The following ZXDA variants were observed in gnomAD, a reference collection of about 807,000 sequenced individuals.
The protein encoded by ZXDA is zinc finger X-linked protein ZXDA.
A neutral mutation model predicts 10.1 loss-of-function variants in ZXDA; 5 were observed. The ratio of observed to expected loss-of-function variants is 0.50; its 90% confidence interval spans 0.26 to 1.04. ZXDA has a LOEUF of 1.04. Ranked by LOEUF, ZXDA falls within the 50% of genes least tolerant of loss-of-function variation. The pLI is 0.14. For missense variants in ZXDA, 501 were observed against 672.4 expected (o/e 0.75, Z 2.82); for synonymous variants, 266 against 313.1 (o/e 0.85, Z 1.59).
Position 57,908,154 on chromosome X carries a change from C to G in ZXDA, c.2267G>C (p.Ser756Thr). Residue 756 changes from serine to threonine, a missense_variant, in exon 1 of 1, where the codon AGC becomes ACC. Physicochemically the swap from Ser to Thr is moderately conservative, Grantham distance 58. Transcript: ENST00000358697. ...ELLTPAKAEW[S>T]VHPNSDFFGQ... ...AAAGAAGTCAGAGTTAGGATGTACG[C>G]TCCACTCCGCTTTGGCTGGTGTCAG... is the stretch of plus-strand genomic sequence containing the variant. 1 of 1,211,940 alleles carries G rather than the reference C, an allele frequency of 8.3e-7. No individual in the cohort carries two copies. Among genetic ancestry groups the G allele is most frequent in the African/African-American group, 1.7e-5 (1 of 57,785 alleles).
chrX:57,909,433 A>G lies in ZXDA; in HGVS notation c.988T>C (p.Phe330Leu), dbSNP rs2014397412. Residue 330 changes from phenylalanine to leucine, a missense_variant, in exon 1 of 1, where the codon TTC (phenylalanine) becomes CTC (leucine). By Grantham distance (22) the Phe-to-Leu change is conservative. This residue lies in a region of ZXDA where 171 missense variants were observed against 262.7 expected (regional missense o/e 0.65). Transcript: ENST00000358697. ...HLQSHDKLRP[F>L]GCPAEGCGKS... Reference sequence around the variant, plus strand: ...CCACAGCCCTCCGCAGGGCAGCCGAAGGGCCGCAGTTTATCGTGCGACTGC... The same window carrying G: ...CCACAGCCCTCCGCAGGGCAGCCGAGGGGCCGCAGTTTATCGTGCGACTGC... 2 of 1,210,493 alleles carry G rather than the reference A, an allele frequency of 1.7e-6. No individual in the cohort carries two copies. Among genetic ancestry groups the G allele is most frequent in the Admixed American group, 4.4e-5 (2 of 45,948 alleles).
In ZXDA at chrX:57,910,179, G is replaced by C; in HGVS notation, c.242C>G (p.Pro81Arg). ...GAAGAAGTCGTCGCCGCCGCCGCTA[G>C]GTTGATGGGGCCTCGGCGCGAACAG... ...PSLFAPRPHQ[P>R]SGGGDDFFLV... The change falls in exon 1 of 1, where the codon CCT becomes CGT. Residue 81 changes from proline (P) to arginine (R), a missense_variant. This residue lies in a region of ZXDA where 251 missense variants were observed against 221.6 expected (regional missense o/e 1.13). Coordinates refer to ENST00000358697, the MANE Select transcript of ZXDA (RefSeq NM_007156.5). 2 of 1,201,176 alleles carry C rather than the reference G, an allele frequency of 1.7e-6. No homozygotes were observed. The highest frequency in any genetic ancestry group is 2.2e-6 in the Non-Finnish European group (2 of 893,312).
In ZXDA at chrX:57,908,627, G is replaced by A. The variant is rs772245002; in HGVS notation, c.1794C>T (p.Leu598=). 1.1e-4 allele frequency: 131 copies of A among 1,205,255 alleles called. No individual in the cohort carries two copies. The highest frequency in any genetic ancestry group is 1.4e-4 in the Non-Finnish European group (126 of 893,996). The change falls in exon 1 of 1, where the codon CTC becomes CTT. Residue 598 remains leucine, a synonymous_variant. Coordinates refer to ENST00000358697, the MANE Select transcript of ZXDA (RefSeq NM_007156.5). ...AGAGAGACACTATCTCTGCATCACT[G>A]AGATCATTCTGTCTCTGGCTGGTAA... ...SELTSQRQND[L]SDAEIVSLFS...
chrX:57,910,441 G>A lies in ZXDA; in HGVS notation c.-21C>T. 1.5e-5 allele frequency: 15 copies of A among 1,012,298 alleles called. No individual in the cohort carries two copies. Among genetic ancestry groups the A allele is most frequent in the Non-Finnish European group, 1.9e-5 (15 of 797,654 alleles). The allele number at this position is 1,012,298 out of a possible 1,213,427, so 83.4% of individuals were successfully genotyped here. A position where few individuals can be genotyped will look rare whatever the true frequency, so the allele number is the denominator to read the frequency against. ...TCCATCTCTGCGTCCGAGAGGCTCG[G>A]CTGGAACCAGAGCCGAGGAGGAGGC... On this transcript the variant is annotated 5_prime_UTR_variant, in exon 1 of 1. Transcript: ENST00000358697.
At position 57,909,956 on chromosome X, in the gene ZXDA, G is replaced by A; in HGVS notation, c.465C>T (p.Pro155=). 9 of 1,160,529 alleles carry A rather than the reference G, an allele frequency of 7.8e-6. No individual in the cohort carries two copies. Among genetic ancestry groups the A allele is most frequent in the Non-Finnish European group, 9.1e-6 (8 of 874,425 alleles). ...AVPTPAPISA[P]GPAAAFAGTV... ...TGCCCGCGAAGGCCGCGGCGGGGCC[G>A]GGGGCGGAGATCGGGGCCGGAGTGG... Residue 155 remains proline (P), a synonymous_variant, in exon 1 of 1, where the codon CCC becomes CCT. Transcript: ENST00000358697.
chrX:57,905,760 T>C lies in ZXDA; in HGVS notation c.*2261A>G, dbSNP rs186662028. On this transcript the variant is annotated 3_prime_UTR_variant, in exon 1 of 1. Transcript: ENST00000358697. ...AAAAATTTGTCCTTTGAAAATTCTA[T>C]AGACCATAACAAAAGCATAGCTTAT... is the stretch of plus-strand genomic sequence containing the variant. Among the ~76,000 whole-genome samples the C allele has an allele frequency of 2.5e-3, 277 of 111,845 alleles. No homozygotes were observed. Among genetic ancestry groups the C allele is most frequent in the Middle Eastern group, 0.014 (3 of 218 alleles).
In ZXDA at chrX:57,909,431, G is replaced by T. The variant is rs768280036; in HGVS notation, c.990C>A (p.Phe330Leu). The T allele has an allele frequency of 9.1e-6, 11 of 1,212,077 alleles. No homozygotes were observed. The highest frequency in any genetic ancestry group is 7.0e-5 in the South Asian group (4 of 56,999). ...TGCCACAGCCCTCCGCAGGGCAGCC[G>T]AAGGGCCGCAGTTTATCGTGCGACT... ...HLQSHDKLRP[F>L]GCPAEGCGKS... is the part of the protein sequence containing the mutation. Residue 330 changes from phenylalanine to leucine, a missense_variant, in exon 1 of 1, where the codon TTC (phenylalanine) becomes TTA (leucine). Coordinates refer to ENST00000358697, the MANE Select transcript of ZXDA (RefSeq NM_007156.5).
chrX:57,909,803 G>T lies in ZXDA; in HGVS notation c.618C>A (p.Ala206=), dbSNP rs376806683. 123 of 1,201,616 alleles carry T rather than the reference G, an allele frequency of 1.0e-4. 1 individual carries two copies. The highest frequency in any genetic ancestry group is 8.1e-4 in the Middle Eastern group (3 of 3,698). ...APAQQPRCLI[A]PQAGFPQAAH... Reference sequence around the variant, plus strand: ...CGGCTTGCGGGAACCCAGCTTGGGGGGCGATCAGACACCTGGGCTGCTGGG... The same window carrying T: ...CGGCTTGCGGGAACCCAGCTTGGGGTGCGATCAGACACCTGGGCTGCTGGG... The change falls in exon 1 of 1, where the codon GCC becomes GCA. Residue 206 remains alanine, a synonymous_variant. Transcript: ENST00000358697.
In ZXDA at chrX:57,905,646, C is replaced by T. The variant is rs1051945218; in HGVS notation, c.*2375G>A. ...CATGTCAACTATCATGGTGGGACAACAGTATTGAAAAAGAAATCTTTTGAA... is the reference window on the plus strand; with the variant it reads ...CATGTCAACTATCATGGTGGGACAATAGTATTGAAAAAGAAATCTTTTGAA... On this transcript the variant is annotated 3_prime_UTR_variant, in exon 1 of 1. Transcript: ENST00000358697. Among the ~76,000 whole-genome samples the T allele has an allele frequency of 1.8e-5, 2 of 110,752 alleles. No homozygotes were observed. Among genetic ancestry groups the T allele is most frequent in the South Asian group, 3.8e-4 (1 of 2,633 alleles).
rs1258980117 is a variant in ZXDA, at chrX:57,909,925, T to C, written c.496A>G (p.Thr166Ala). The part of the protein sequence containing the change: ...GPAAAFAGTV[T>A]IHNQDLLLRF... ...AACAGCAGGTCCTGGTTGTGGATAG[T>C]GACTGTGCCCGCGAAGGCCGCGGCG... Residue 166 changes from threonine (T) to alanine (A), a missense_variant, in exon 1 of 1, where the codon ACT becomes GCT. Coordinates refer to ENST00000358697, the MANE Select transcript of ZXDA (RefSeq NM_007156.5). The C allele has an allele frequency of 3.3e-5, 39 of 1,184,454 alleles. No individual in the cohort carries two copies. Among genetic ancestry groups the C allele is most frequent in the Non-Finnish European group, 3.7e-5 (33 of 884,956 alleles).
At position 57,908,558 on chromosome X, in the gene ZXDA, T is replaced by C; in HGVS notation, c.1863A>G (p.Thr621=). The C allele has an allele frequency of 5.1e-6, 6 of 1,168,066 alleles. No homozygotes were observed. Among genetic ancestry groups the C allele is most frequent in the Non-Finnish European group, 5.8e-6 (5 of 863,128 alleles). Residue 621 remains threonine, a synonymous_variant, in exon 1 of 1, where the codon ACA becomes ACG. Transcript: ENST00000358697. ...TCAAGATTCCAGAGTTCACCAATGC[T>C]GTGTCCAGCAATGCAGCAGAAGTAC... The part of the protein sequence containing the change: ...PDSTSAALLD[T]ALVNSGILTI...
chrX:57,910,426 C>T lies in ZXDA; in HGVS notation c.-6G>A. On this transcript the variant is annotated 5_prime_UTR_variant, in exon 1 of 1. Coordinates refer to ENST00000358697, the MANE Select transcript of ZXDA (RefSeq NM_007156.5). ...AGCAGCTTCGGGATTTCCATCTCTG[C>T]GTCCGAGAGGCTCGGCTGGAACCAG... 3.0e-6 allele frequency: 3 copies of T among 1,015,204 alleles called. No homozygotes were observed. Among genetic ancestry groups the T allele is most frequent in the East Asian group, 4.1e-5 (1 of 24,176 alleles). The allele number at this position is 1,015,204 out of a possible 1,213,427, so 83.7% of individuals were successfully genotyped here.
Position 57,909,631 on chromosome X carries a change from C to G in ZXDA, c.790G>C (p.Val264Leu). ...GCCTCGGGGCACAGGTACAGCACCA[C>G]GCCTGGACCAGAGCCCAGCAGTCCG... ...PRGLLGSGPG[V>L]VLYLCPEALC... The change falls in exon 1 of 1, where the codon GTG (valine) becomes CTG (leucine). Residue 264 changes from valine (V) to leucine (L), a missense_variant. Around this residue, in one of 5 missense-constraint regions of ZXDA, gnomAD observed 251 missense variants for 221.6 expected, o/e 1.13. Coordinates refer to ENST00000358697, the MANE Select transcript of ZXDA (RefSeq NM_007156.5). The G allele has an allele frequency of 8.3e-7, 1 of 1,198,838 alleles. No homozygotes were observed. The highest frequency in any genetic ancestry group is 1.1e-6 in the Non-Finnish European group (1 of 889,551).
Position 57,909,785 on chromosome X carries a change from C to T in ZXDA, c.636G>A (p.Pro212=), listed in dbSNP as rs369543347. ...GGCAGTCACCCGGGTGCGCGGCTTG[C>T]GGGAACCCAGCTTGGGGGGCGATCA... The part of the protein sequence containing the change: ...RCLIAPQAGF[P]QAAHPGDCPE... The change falls in exon 1 of 1, where the codon CCG becomes CCA. Residue 212 remains proline, a synonymous_variant. Transcript: ENST00000358697. 5 of 1,199,033 alleles carry T rather than the reference C, an allele frequency of 4.2e-6. No homozygotes were observed. Among genetic ancestry groups the T allele is most frequent in the Admixed American group, 2.2e-5 (1 of 45,090 alleles).
Position 57,908,924 on chromosome X carries a change from G to A in ZXDA, c.1497C>T (p.Gly499=). Residue 499 remains glycine (G), a synonymous_variant, in exon 1 of 1, where the codon GGC becomes GGT. Coordinates refer to ENST00000358697, the MANE Select transcript of ZXDA (RefSeq NM_007156.5). ...KSFTRAEHLK[G]HSITHLGTKP... is the part of the protein sequence containing the mutation. ...TTGTGCCCAGGTGGGTAATGCTGTG[G>A]CCTTTCAGATGTTCGGCCCTCGTGA... 1 of 1,211,665 alleles carries A rather than the reference G, an allele frequency of 8.3e-7. No individual in the cohort carries two copies. The highest frequency in any genetic ancestry group is 1.1e-6 in the Non-Finnish European group (1 of 895,459).
At position 57,907,545 on chromosome X, in the gene ZXDA, T is replaced by C. The variant is rs2014373126; in HGVS notation, c.*476A>G. The C allele has an allele frequency of 1.8e-5, 2 of 112,731 alleles. No individual in the cohort carries two copies. The highest frequency in any genetic ancestry group is 5.6e-4 in the East Asian group (2 of 3,582). The allele number at this position is 112,731 out of a possible 1,213,427, so 9.3% of individuals were successfully genotyped here. A position where few individuals can be genotyped will look rare whatever the true frequency, so the allele number is the denominator to read the frequency against. The stretch of plus-strand genomic sequence containing the variant: ...AACCAACTCCTATTTTTAGCTCTTT[T>C]TTTTTGAGCTCTATCATTAGATTTT... On this transcript the variant is annotated 3_prime_UTR_variant, in exon 1 of 1. Transcript: ENST00000358697.
Position 57,905,624 on chromosome X carries a change from G to A in ZXDA, c.*2397C>T, listed in dbSNP as rs1291459023. On this transcript the variant is annotated 3_prime_UTR_variant, in exon 1 of 1. Coordinates refer to ENST00000358697, the MANE Select transcript of ZXDA (RefSeq NM_007156.5). ...ACTTCTGTCTGTAATTACATGCCAT[G>A]TCAACTATCATGGTGGGACAACAGT... is the stretch of plus-strand genomic sequence containing the variant. Among the ~76,000 whole-genome samples the A allele has an allele frequency of 9.0e-6, 1 of 111,694 alleles. No individual in the cohort carries two copies. The highest frequency in any genetic ancestry group is 2.8e-4 in the East Asian group (1 of 3,584).
In ZXDA at chrX:57,909,895, A is replaced by G. The variant is rs1355206036; in HGVS notation, c.526T>C (p.Phe176Leu). ...GCCAGGGTGAGGACGCCGTTCTCAA[A>G]GCGCAACAGCAGGTCCTGGTTGTGG... ...TIHNQDLLLR[F>L]ENGVLTLATP... is the part of the protein sequence containing the mutation. Residue 176 changes from phenylalanine (F) to leucine (L), a missense_variant, in exon 1 of 1, where the codon TTT becomes CTT. Physicochemically the swap from Phe to Leu is conservative, Grantham distance 22. Around this residue, in one of 5 missense-constraint regions of ZXDA, gnomAD observed 251 missense variants for 221.6 expected, o/e 1.13. Coordinates refer to ENST00000358697, the MANE Select transcript of ZXDA (RefSeq NM_007156.5). 2 of 1,200,215 alleles carry G rather than the reference A, an allele frequency of 1.7e-6. No individual in the cohort carries two copies. The highest frequency in any genetic ancestry group is 2.2e-6 in the Non-Finnish European group (2 of 891,638).
rs1446866753 is a variant in ZXDA at position 57,908,129 on chromosome X, AAAG to A, written c.2289_2291del (p.Phe764del). 8.3e-7 allele frequency: 1 copy of A among 1,210,434 alleles called. No individual in the cohort carries two copies. The highest frequency in any genetic ancestry group is 1.1e-6 in the Non-Finnish European group (1 of 895,369). ...CAAACTGGGTTTCTCCCTCCTGTCC[AAAG>A]AAGTCAGAGTTAGGATGTACGCTCC... On this transcript the variant is annotated inframe_deletion, in exon 1 of 1. Transcript: ENST00000358697.
Sources: allele counts gnomAD v4.1 joint callset (sites outside exome capture counted in the v4.1 genomes callset), GRCh38; gene constraint gnomAD v4.1.1; regional missense constraint gnomAD v4.1.1; transcripts MANE v1.5; gene names NCBI Gene and HGNC (gene_info 2026-07-23, HGNC 2026-07-21).